CCDC25: variants seen among roughly 807,000 people sequenced by gnomAD.
The protein encoded by CCDC25 is coiled-coil domain-containing protein 25.
Under a neutral mutation model 35.3 loss-of-function variants are expected in CCDC25, and 16 were observed. The observed-to-expected ratio is 0.45, with a 90% CI of 0.31 to 0.69. CCDC25 has a LOEUF of 0.69. Among genes scored for constraint, CCDC25 ranks in the 30% least tolerant of loss-of-function variants. The pLI is 0.06. For missense variants in CCDC25, 179 were observed against 250.7 expected, an observed-to-expected ratio of 0.71 and a Z score of 1.93; for synonymous variants, 79 against 80.3, an observed-to-expected ratio of 0.98 and a Z score of 0.09.
Position 27,733,544 on chromosome 8 carries a change from C to T in CCDC25, c.*2672G>A, listed in dbSNP as rs1189047847. On this transcript the variant is annotated 3_prime_UTR_variant, in exon 9 of 9. Coordinates refer to ENST00000356537, the MANE Select transcript of CCDC25 (RefSeq NM_018246.3). ...TGCTGTCCTTGTTTCTGAGCTGCCA[C>T]CTATTCACTGGAGTTAGGTGGGTCA... 6.6e-6 allele frequency: 1 copy of T among 152,094 alleles called. No individual in the cohort carries two copies. The highest frequency in any genetic ancestry group is 1.5e-5 in the Non-Finnish European group (1 of 68,032). 9.4% of individuals were successfully genotyped at this position (152,094 alleles called of 1,614,324 possible).
chr8:27,745,781 T>C (rs1355632653), intron 7 of CCDC25, among the ~76,000 whole-genome samples: 1 of 152,240 alleles, frequency 6.6e-6, no homozygotes, highest in Non-Finnish European at 1.5e-5. Context: ...CTGCAGCATG[T>C]GACAGAAAGT....
At chr8:27,769,902 A>G (rs1339851604) in intron 1 of CCDC25, among the ~76,000 whole-genome samples, 3 of 152,184 alleles carry the variant, frequency 2.0e-5, no homozygotes, top group African/African-American at 7.2e-5. Context: ...AGCACTTTGG[A>G]AGGCCGAGGC....
chr8:27,747,985 C>T, intron 7 of CCDC25, 92 bp downstream of exon 7: 1 of 1,255,408 alleles, frequency 8.0e-7, no homozygotes, highest in Non-Finnish European at 1.1e-6. Flanking sequence ...TCCCTCCTTC[C>T]ACCAATATAT....
At chr8:27,741,408 C>A (rs1803432447) in intron 7 of CCDC25, among the ~76,000 whole-genome samples, 1 of 152,208 alleles carries the variant, frequency 6.6e-6, no homozygotes, top group African/African-American at 2.4e-5. Flanking sequence ...CGGCTGGGGG[C>A]AGTGGCTCAC....
chr8:27,760,901 A>G (rs11779227), intron 3 of CCDC25, among the ~76,000 whole-genome samples: 149,084 of 152,330 alleles, frequency 0.98, 73,043 homozygotes, highest in Middle Eastern at 1. Context: ...CAACGCGGGT[A>G]GATCACCTGA....
At chr8:27,747,933 A>G in intron 7 of CCDC25, 144 bp downstream of exon 7, 1 of 771,772 alleles carries the variant, frequency 1.3e-6, no homozygotes. Flanking sequence ...CTTTTTTTAA[A>G]AAACTGATTT....
At chr8:27,770,734 C>T (rs1428639624) in intron 1 of CCDC25, among the ~76,000 whole-genome samples, 2 of 93,634 alleles carry the variant, frequency 2.1e-5, no homozygotes, top group Non-Finnish European at 4.4e-5. Context: ...AGCAAAACTC[C>T]GTCTCCAAAA....
At chr8:27,754,014 T>C (rs1050692263) in intron 4 of CCDC25, among the ~76,000 whole-genome samples, 6 of 152,228 alleles carry the variant, frequency 3.9e-5, no homozygotes, top group Non-Finnish European at 8.8e-5. Context: ...GGAAAACCTA[T>C]AAATAGTAGA....
At chr8:27,772,472 C>A in intron 1 of CCDC25, 41 bp downstream of exon 1, 2 of 1,545,022 alleles carry the variant, frequency 1.3e-6, no homozygotes, top group South Asian at 2.4e-5. Flanking sequence ...CTTCGGAGCC[C>A]GCTGTCCAGC....
chr8:27,735,974 T>G lies in CCDC25; in HGVS notation c.*242A>C, dbSNP rs116616175. The G allele has an allele frequency of 1.3e-3, 551 of 416,138 alleles. 2 individuals are homozygous for G. Among genetic ancestry groups the G allele is most frequent in the African/African-American group, 0.011 (508 of 48,090 alleles). 25.8% of individuals were successfully genotyped at this position (416,138 alleles called of 1,614,324 possible). A position where few individuals can be genotyped will look rare whatever the true frequency, so the allele number is the denominator to read the frequency against. On this transcript the variant is annotated 3_prime_UTR_variant, in exon 9 of 9. Coordinates refer to ENST00000356537, the MANE Select transcript of CCDC25 (RefSeq NM_018246.3). Reference sequence around the variant, plus strand: ...TTTCACAAGGTACCAAGACATGTTCTGGCAAAAACATTTTCACTTTAAGTT... The same window carrying G: ...TTTCACAAGGTACCAAGACATGTTCGGGCAAAAACATTTTCACTTTAAGTT...
chr8:27,751,278 T>C (rs926205105), intron 5 of CCDC25, among the ~76,000 whole-genome samples: 12 of 152,258 alleles, frequency 7.9e-5, no homozygotes, highest in Non-Finnish European at 2.9e-5. Context: ...ATAATGATTG[T>C]TTCAATTCTT....
At chr8:27,765,658 ACAC>A (rs1337021480) in intron 1 of CCDC25, among the ~76,000 whole-genome samples, 2 of 152,056 alleles carry the variant, frequency 1.3e-5, no homozygotes, top group African/African-American at 2.4e-5. Context: ...AGAAAACTAA[ACAC>A]CACAACTAAG....
At chr8:27,770,622 C>T (rs1804566204) in intron 1 of CCDC25, among the ~76,000 whole-genome samples, 1 of 151,544 alleles carries the variant, frequency 6.6e-6, no homozygotes, top group Admixed American at 6.6e-5. Context: ...TCCTGTAATC[C>T]CAGCTACACA....
chr8:27,761,967 G>A (rs1225972283), intron 3 of CCDC25, among the ~76,000 whole-genome samples: 1 of 152,180 alleles, frequency 6.6e-6, no homozygotes, highest in African/African-American at 2.4e-5. Context: ...TCAAGACAGA[G>A]CTAAACTCAT....
chr8:27,739,823 T>C (rs907454838), intron 8 of CCDC25, among the ~76,000 whole-genome samples: 2 of 152,196 alleles, frequency 1.3e-5, no homozygotes, highest in African/African-American at 4.8e-5. Flanking sequence ...GACTGCTCAA[T>C]AGCAGCTAAA....
chr8:27,739,028 T>C (rs1227423193), intron 8 of CCDC25, among the ~76,000 whole-genome samples: 1 of 152,172 alleles, frequency 6.6e-6, no homozygotes, highest in African/African-American at 2.4e-5. Context: ...TGTGAAATAA[T>C]ATGTGTCCAT....
rs775584926 is a variant in CCDC25, at chr8:27,748,061, C to T, written c.551+16G>A. The T allele has an allele frequency of 6.2e-7, 1 of 1,609,572 alleles. No homozygotes were observed. The highest frequency in any genetic ancestry group is 1.1e-5 in the South Asian group (1 of 90,876). On this transcript the variant is annotated intron_variant, in intron 7 of 8. Coordinates refer to ENST00000356537, the MANE Select transcript of CCDC25 (RefSeq NM_018246.3). ...TAATCTTTGAGGTCAGTCTCAATGC[C>T]ACAGCTCCGACATACCTAAGTTCAT...
At chr8:27,742,249 G>A (rs118077204) in intron 7 of CCDC25, among the ~76,000 whole-genome samples, 2 of 152,202 alleles carry the variant, frequency 1.3e-5, no homozygotes, top group Non-Finnish European at 2.9e-5. Context: ...TGAGTTGGGA[G>A]ACACCCAGAG....
intron 8 of CCDC25, among the ~76,000 whole-genome samples, chr8:27,738,646 T>C (rs17385904): frequency 0.068 from 10,269 of 151,978 alleles, 489 homozygotes; most frequent in Non-Finnish European, 0.1. Context: ...TTCTCAACTC[T>C]AGAATTATAT....
Sources: allele counts gnomAD v4.1 joint callset (sites outside exome capture counted in the v4.1 genomes callset), GRCh38; gene constraint gnomAD v4.1.1; transcripts MANE v1.5; gene names NCBI Gene and HGNC (gene_info 2026-07-23, HGNC 2026-07-21).